The following GSTZ1 variants were observed in gnomAD, a reference collection of about 807,000 sequenced individuals.
GSTZ1 encodes the protein glutathione S-transferase zeta 1, also known as maleylacetoacetate isomerase.
In GSTZ1, 34 loss-of-function variants were observed where a neutral mutation model predicts 35.9. That is an observed-to-expected ratio of 0.95 (90% confidence interval 0.72 to 1.26). The LOEUF is 1.26. Ranked by LOEUF, GSTZ1 falls within the 50% of genes most tolerant of loss-of-function variation. The pLI, the probability that GSTZ1 is intolerant of heterozygous loss-of-function variation, is 0.00. For missense variants in GSTZ1, 263 were observed against 271.7 expected (o/e 0.97, Z 0.23); for synonymous variants, 93 against 101.2 (o/e 0.92, Z 0.49).
Position 77,329,394 on chromosome 14 carries a change from C to T in GSTZ1, c.421+193C>T, listed in dbSNP as rs1296487528. The T allele has an allele frequency of 3.3e-5, 20 of 610,106 alleles. 1 individual carries two copies. Among genetic ancestry groups the T allele is most frequent in the South Asian group, 2.5e-4 (13 of 51,806 alleles). The allele number at this position is 610,106 out of a possible 1,614,324, so 37.8% of individuals were successfully genotyped here. A position where few individuals can be genotyped will look rare whatever the true frequency, so the allele number is the denominator to read the frequency against. The stretch of plus-strand genomic sequence containing the variant: ...TTAGCTCCAGCACTTCTGGGAACCT[C>T]GGTCCCTGAGCCCACAGCCCTTCAT... On this transcript the variant is annotated intron_variant, in intron 6 of 8. Coordinates refer to ENST00000216465, the MANE Select transcript of GSTZ1 (RefSeq NM_145870.3).
Position 77,327,960 on chromosome 14 carries a change from C to T in GSTZ1, c.265C>T (p.Leu89=). 6.2e-7 allele frequency: 1 copy of T among 1,614,018 alleles called. No individual in the cohort carries two copies. The highest frequency in any genetic ancestry group is 8.5e-7 in the Non-Finnish European group (1 of 1,179,894). Residue 89 remains leucine (L), a synonymous_variant, in exon 5 of 9, where the codon CTG becomes TTG. Transcript: ENST00000216465. ...LEEMRPTPRL[L]PQDPKKRASV... is the part of the protein sequence containing the mutation. Reference sequence around the variant, plus strand: ...GGAGATGCGTCCCACTCCGCGACTTCTGCCTCAGGACCCAAAGAAGAGGGC... The same window carrying T: ...GGAGATGCGTCCCACTCCGCGACTTTTGCCTCAGGACCCAAAGAAGAGGGC...
chr14:77,325,046 C>T, intron 2 of GSTZ1, 125 bp downstream of exon 2: 1 of 767,236 alleles, frequency 1.3e-6, no homozygotes, highest in Non-Finnish European at 2.3e-6. Flanking sequence ...CCCCCAGCAA[C>T]CAGCATCCCC....
chr14:77,324,965 G>T (rs771517233), intron 2 of GSTZ1, 44 bp downstream of exon 2: 1 of 1,529,334 alleles, frequency 6.5e-7, no homozygotes, highest in South Asian at 1.1e-5. Flanking sequence ...GAGTGGGGTG[G>T]ACTGGGGCGG....
At chr14:77,321,652 G>A (rs1891991336) in intron 1 of GSTZ1, 1 of 516,210 alleles carries the variant, frequency 1.9e-6, no homozygotes, top group South Asian at 2.3e-5. Flanking sequence ...GGGAGGCCGA[G>A]GCGGGCGGAT....
At chr14:77,326,609 C>G (rs917279028) in intron 2 of GSTZ1, 1 of 507,150 alleles carries the variant, frequency 2.0e-6, no homozygotes, top group East Asian at 3.2e-5. Flanking sequence ...CTTGAGGTCT[C>G]TAAGAGTTCA....
rs1566671550 is a variant in GSTZ1, at chr14:77,324,373, C to G, written c.16-497C>G. 5.3e-6 allele frequency: 3 copies of G among 571,202 alleles called. No homozygotes were observed. In the East Asian group the frequency reaches 9.0e-5, roughly 17 times the overall value. The allele number at this position is 571,202 out of a possible 1,614,324, so 35.4% of individuals were successfully genotyped here. A position where few individuals can be genotyped will look rare whatever the true frequency, so the allele number is the denominator to read the frequency against. On this transcript the variant is annotated intron_variant, in intron 1 of 8. Coordinates refer to ENST00000216465, the MANE Select transcript of GSTZ1 (RefSeq NM_145870.3). ...TGTTGGCCAGGCTGGTCTCAAACTC[C>G]TCACCTCAAATGATCCACCCACCTT...
chr14:77,324,790 A>G (rs1017645142), intron 1 of GSTZ1, 80 bp from the exon 2 acceptor site: 4 of 1,389,870 alleles, frequency 2.9e-6, no homozygotes, highest in Non-Finnish European at 4.1e-6. Context: ...CTGGCAGGAC[A>G]GGAAGAAATG....
At chr14:77,328,122 C>G in intron 5 of GSTZ1, 85 bp downstream of exon 5, 222 of 1,173,288 alleles carry the variant, frequency 1.9e-4, no homozygotes, top group East Asian at 4.9e-4. Context: ...AGTGTGGGGG[C>G]GGGGGTGTCA....
intron 1 of GSTZ1, chr14:77,321,395 G>C (rs1186241178): frequency 2.6e-6 from 4 of 1,529,638 alleles, no homozygotes; most frequent in Non-Finnish European, 3.5e-6. Flanking sequence ...GGCGGTCCTG[G>C]TAGGGAGTGC....
intron 5 of GSTZ1, chr14:77,328,391 A>C: frequency 4.0e-6 from 1 of 250,922 alleles, no homozygotes; most frequent in South Asian, 6.8e-5. Flanking sequence ...TCAGTCATAT[A>C]CTGGGATACT....
At chr14:77,321,582 T>A (rs575897331) in intron 1 of GSTZ1, 1 of 1,193,674 alleles carries the variant, frequency 8.4e-7, no homozygotes, top group African/African-American at 1.6e-5. Flanking sequence ...CCAGTAATGT[T>A]TGTATTTTAA....
Position 77,330,360 on chromosome 14 carries a change from G to A in GSTZ1, c.524+1G>A. ...TGCCTCAGGTGGCAAATGCTGAAAG[G>A]TAAGAGAGAGCCCCGCCACCCTCCC... On this transcript the variant is annotated splice_donor_variant, in intron 8 of 8. Coordinates refer to ENST00000216465, the MANE Select transcript of GSTZ1 (RefSeq NM_145870.3). LOFTEE classifies it high-confidence loss of function. 6.2e-7 allele frequency: 1 copy of A among 1,611,528 alleles called. No individual in the cohort carries two copies. The highest frequency in any genetic ancestry group is 1.3e-5 in the African/African-American group (1 of 74,972).
chr14:77,329,253 C>G (rs531931416), intron 6 of GSTZ1, 52 bp downstream of exon 6: 1 of 1,166,998 alleles, frequency 8.6e-7, no homozygotes, highest in East Asian at 2.3e-5. Context: ...AGAGGTATGG[C>G]CCTCGCACAC....
Position 77,331,516 on chromosome 14 carries a change from C to CACACACA in GSTZ1, c.*321_*322insACACACA, listed in dbSNP as rs1228155621. On this transcript the variant is annotated 3_prime_UTR_variant, in exon 9 of 9. Transcript: ENST00000216465. The stretch of plus-strand genomic sequence containing the variant: ...CCACGGGGAAGGCTGTGTGCCTTTT[C>CACACACA]TCATCCGCTTTTGTTGTGTGTGACT... 4 of 266,254 alleles carry CACACACA rather than the reference C, an allele frequency of 1.5e-5. No individual in the cohort carries two copies. The highest frequency in any genetic ancestry group is 2.3e-3 in the Middle Eastern group (2 of 878). 16.5% of individuals were successfully genotyped at this position (266,254 alleles called of 1,614,324 possible).
chr14:77,327,795 G>C (rs920244351), intron 4 of GSTZ1, 117 bp from the exon 5 acceptor site: 20 of 1,008,400 alleles, frequency 2.0e-5, no homozygotes, highest in Middle Eastern at 4.2e-4. Flanking sequence ...GCAGAAGCAG[G>C]GGGGAAGAGG....
chr14:77,324,289 C>T (rs1387793839), intron 1 of GSTZ1: 3 of 396,504 alleles, frequency 7.6e-6, no homozygotes, highest in Non-Finnish European at 9.6e-6. Flanking sequence ...ATTACAGGCA[C>T]CCACTACCAC....
chr14:77,321,575 G>T, intron 1 of GSTZ1: 1 of 1,206,622 alleles, frequency 8.3e-7, no homozygotes, highest in African/African-American at 1.6e-5. Flanking sequence ...TGACCTTCCA[G>T]TAATGTTTGT....
Position 77,324,891 on chromosome 14 carries a change from C to G in GSTZ1, c.37C>G (p.Arg13Gly), listed in dbSNP as rs766301072. The change falls in exon 2 of 9, where the codon CGA becomes GGA. Residue 13 changes from arginine to glycine, a missense_variant. Coordinates refer to ENST00000216465, the MANE Select transcript of GSTZ1 (RefSeq NM_145870.3). ...TCAGCCCATCCTCTATTCCTATTTC[C>G]GAAGCTCCTGCTCATGGAGAGTTCG... ...AGKPILYSYFRSSCSWRVRIA... is the reference protein window; with the variant it reads ...AGKPILYSYFGSSCSWRVRIA... 6.2e-7 allele frequency: 1 copy of G among 1,613,944 alleles called. No homozygotes were observed.
intron 1 of GSTZ1, chr14:77,324,353 G>A (rs185228383): frequency 3.7e-6 from 2 of 534,012 alleles, no homozygotes; most frequent in East Asian, 3.3e-5. Context: ...CACCATGTTG[G>A]CCAGGCTGGT....
Sources: allele counts gnomAD v4.1 joint callset, GRCh38; gene constraint gnomAD v4.1.1; transcripts MANE v1.5; gene names NCBI Gene and HGNC (gene_info 2026-07-23, HGNC 2026-07-21).